EPHA5: variants seen among roughly 807,000 people sequenced by gnomAD.
EPHA5 encodes the protein EPH receptor A5, also known as ephrin type-A receptor 5.
In EPHA5, 60 loss-of-function variants were observed where a neutral mutation model predicts 105.0. The observed-to-expected ratio is 0.57, with a 90% CI of 0.46 to 0.71. The LOEUF (loss-of-function observed/expected upper bound fraction) is 0.71. Ranked by LOEUF, EPHA5 falls within the 30% of genes least tolerant of loss-of-function variation. The pLI, the probability that EPHA5 is intolerant of heterozygous loss-of-function variation, is 0.00. For missense variants in EPHA5, 1,218 were observed against 1,274.7 expected (o/e 0.96, Z 0.68); for synonymous variants, 513 against 449.1 (o/e 1.14, Z -1.80).
chr4:65,327,800 G>A (rs1720222898), intron 16 of EPHA5, among the ~76,000 whole-genome samples: 1 of 151,000 alleles, frequency 6.6e-6, no homozygotes, highest in Non-Finnish European at 1.5e-5. Context: ...TTAAATAACT[G>A]TTCAAATATT....
intron 2 of EPHA5, among the ~76,000 whole-genome samples, chr4:65,607,105 G>A (rs1459002766): frequency 6.6e-6 from 1 of 151,902 alleles, no homozygotes; most frequent in Non-Finnish European, 1.5e-5. Flanking sequence ...AATGTGTGTG[G>A]TATGTTTTGT....
At chr4:65,495,650 A>C (rs1731856843) in intron 3 of EPHA5, 107 bp from the exon 4 acceptor site, 2 of 855,186 alleles carry the variant, frequency 2.3e-6, no homozygotes, top group Non-Finnish European at 3.5e-6. Flanking sequence ...CAGATAACAC[A>C]ATCTTTGCAT....
chr4:65,646,780 A>G (rs1222998879), intron 1 of EPHA5, among the ~76,000 whole-genome samples: 2 of 152,208 alleles, frequency 1.3e-5, no homozygotes, highest in Non-Finnish European at 2.9e-5. Context: ...CCAAAATAAT[A>G]CTTCAATTTA....
chr4:65,344,023 C>G (rs967807944), intron 14 of EPHA5, among the ~76,000 whole-genome samples: 1 of 151,914 alleles, frequency 6.6e-6, no homozygotes, highest in African/African-American at 2.4e-5. Flanking sequence ...AAAGAAAGTA[C>G]TATGAGAGTA....
At chr4:65,583,248 C>T (rs1741812769) in intron 3 of EPHA5, among the ~76,000 whole-genome samples, 2 of 151,406 alleles carry the variant, frequency 1.3e-5, no homozygotes. Context: ...TAATGAGAAA[C>T]TCTTGCCACT....
chr4:65,589,510 G>T (rs1742433617), intron 3 of EPHA5, among the ~76,000 whole-genome samples: 1 of 152,110 alleles, frequency 6.6e-6, no homozygotes, highest in East Asian at 1.9e-4. Context: ...TCACTGTTGT[G>T]ACATTTCATT....
chr4:65,563,527 T>C (rs1270660522), intron 3 of EPHA5, among the ~76,000 whole-genome samples: 1 of 151,878 alleles, frequency 6.6e-6, no homozygotes, highest in African/African-American at 2.4e-5. Flanking sequence ...TAGAGTGGAG[T>C]TAGAACTTTA....
At chr4:65,666,978 G>T (rs572871865) in intron 1 of EPHA5, among the ~76,000 whole-genome samples, 1 of 151,542 alleles carries the variant, frequency 6.6e-6, no homozygotes, top group South Asian at 2.1e-4. Context: ...TTCATAATAC[G>T]CACACACACA....
At chr4:65,650,706 G>C (rs1339527211) in intron 1 of EPHA5, among the ~76,000 whole-genome samples, 1 of 151,986 alleles carries the variant, frequency 6.6e-6, no homozygotes, top group African/African-American at 2.4e-5. Context: ...CACCTGCTCT[G>C]TTTCATTCCA....
intron 12 of EPHA5, 91 bp downstream of exon 12, chr4:65,352,950 AT>A: frequency 1.2e-6 from 1 of 819,274 alleles, no homozygotes; most frequent in Admixed American, 2.9e-5. Context: ...AGTGGCCCAA[AT>A]TCAACTTCAA....
chr4:65,506,054 T>A (rs1191374092), intron 3 of EPHA5, among the ~76,000 whole-genome samples: 1 of 152,142 alleles, frequency 6.6e-6, no homozygotes, highest in Non-Finnish European at 1.5e-5. Flanking sequence ...CCTGTGTCCA[T>A]GTGTTGTCAT....
At chr4:65,410,541 G>A in intron 7 of EPHA5, among the ~76,000 whole-genome samples, 1 of 152,066 alleles carries the variant, frequency 6.6e-6, no homozygotes, top group East Asian at 1.9e-4. Context: ...GTGACCAAAT[G>A]GCGTAGAATC....
chr4:65,359,547 T>G (rs1717064760), intron 11 of EPHA5, among the ~76,000 whole-genome samples: 1 of 151,528 alleles, frequency 6.6e-6, no homozygotes, highest in Non-Finnish European at 1.5e-5. Context: ...CTCCATAAAT[T>G]GCAACTCCTT....
At chr4:65,573,306 G>T (rs1420509669) in intron 3 of EPHA5, among the ~76,000 whole-genome samples, 3 of 151,330 alleles carry the variant, frequency 2.0e-5, no homozygotes, top group Non-Finnish European at 4.4e-5. Flanking sequence ...AGCTACTTGG[G>T]AGGCGGAGGC....
intron 14 of EPHA5, among the ~76,000 whole-genome samples, chr4:65,337,013 C>T: frequency 6.6e-6 from 1 of 152,062 alleles, no homozygotes. Context: ...ACAAAGAATT[C>T]AGAATTGATT....
chr4:65,653,102 T>C (rs1748753038), intron 1 of EPHA5, among the ~76,000 whole-genome samples: 1 of 152,098 alleles, frequency 6.6e-6, no homozygotes, highest in South Asian at 2.1e-4. Flanking sequence ...AAGTGAATTA[T>C]ACCAAACTTA....
chr4:65,643,544 A>G, intron 1 of EPHA5, 117 bp from the exon 2 acceptor site: 1 of 729,152 alleles, frequency 1.4e-6, no homozygotes, highest in South Asian at 1.8e-5. Context: ...TTAAGTGTTC[A>G]TTATGATGAA....
chr4:65,593,830 T>C (rs1184694105), intron 3 of EPHA5, among the ~76,000 whole-genome samples: 1 of 152,244 alleles, frequency 6.6e-6, no homozygotes, highest in African/African-American at 2.4e-5. Flanking sequence ...CTCCTGATGC[T>C]TTCAGAGATC....
intron 5 of EPHA5, among the ~76,000 whole-genome samples, chr4:65,426,813 T>C (rs1724483943): frequency 6.6e-6 from 1 of 152,154 alleles, no homozygotes; most frequent in African/African-American, 2.4e-5. Context: ...TTAATTTCAG[T>C]ATAAATGTCT....
Sources: gnomAD v4.1 joint callset for allele counts (sites outside exome capture counted in the v4.1 genomes callset) on GRCh38, gnomAD v4.1.1 for gene constraint, MANE v1.5 for transcripts, NCBI Gene and HGNC (gene_info 2026-07-23, HGNC 2026-07-21) for gene names.